FBXO17: variants seen among roughly 807,000 people sequenced by gnomAD.
The protein encoded by FBXO17 is F-box protein 17.
A neutral mutation model predicts 34.1 loss-of-function variants in FBXO17; 43 were observed. The observed-to-expected ratio is 1.26, with a 90% CI of 0.99 to 1.62. The LOEUF is 1.62. Among genes scored for constraint, FBXO17 ranks in the 40% most tolerant of loss-of-function variants. The pLI is 0.00. For synonymous variants in FBXO17, 169 were observed against 166.0 expected, an observed-to-expected ratio of 1.02 and a Z score of -0.14; for missense variants, 424 against 386.7, an observed-to-expected ratio of 1.10 and a Z score of -0.81.
chr19:38,946,295 C>T, intron 4 of FBXO17, 177 bp downstream of exon 4: 1 of 1,132,808 alleles, frequency 8.8e-7, no homozygotes, highest in Non-Finnish European at 1.2e-6. Context: ...GGGGCTCTGG[C>T]TTCTCCAAAG....
intron 2 of FBXO17, 45 bp downstream of exon 2, chr19:38,949,926 C>T: frequency 2.1e-6 from 3 of 1,450,290 alleles, no homozygotes; most frequent in Non-Finnish European, 2.7e-6. Flanking sequence ...CCGCCTCGCT[C>T]GCGCGGCCCC....
chr19:38,944,920 T>C (rs1213264316), intron 5 of FBXO17, 49 bp downstream of exon 5: 4 of 1,608,022 alleles, frequency 2.5e-6, no homozygotes, highest in Non-Finnish European at 3.4e-6. Context: ...AGGCTGGGCG[T>C]GTGTGCCTTT....
In FBXO17 at chr19:38,944,294, G is replaced by A. The variant is rs145031280; in HGVS notation, c.693+675C>T. Among the ~76,000 whole-genome samples, 606 of 81,398 alleles carry A rather than the reference G, an allele frequency of 7.4e-3. 6 individuals are homozygous for A. The highest frequency in any genetic ancestry group is 0.03 in the African/African-American group (582 of 19,330). 53.4% of individuals were successfully genotyped at this position (81,398 alleles called of 152,430 possible). ...ATTATTATTATTATTTTTAGTTAGCGTCTCAGTCTGTTGCCCTGGCTGGAG... is the reference window on the plus strand; with the variant it reads ...ATTATTATTATTATTTTTAGTTAGCATCTCAGTCTGTTGCCCTGGCTGGAG... On this transcript the variant is annotated intron_variant, in intron 5 of 5. Transcript: ENST00000292852.
intron 1 of FBXO17, among the ~76,000 whole-genome samples, chr19:38,957,375 C>G (rs1189413579): frequency 6.6e-6 from 1 of 152,040 alleles, no homozygotes; most frequent in Non-Finnish European, 1.5e-5. Context: ...GAGACGGAGT[C>G]TCACTCTGTC....
At chr19:38,959,791 G>A (rs1312224115) in intron 1 of FBXO17, among the ~76,000 whole-genome samples, 2 of 152,226 alleles carry the variant, frequency 1.3e-5, no homozygotes, top group Non-Finnish European at 2.9e-5. Context: ...ACATACTCGG[G>A]AGGCTGAGGT....
At chr19:38,955,542 G>A (rs1333918577) in intron 1 of FBXO17, among the ~76,000 whole-genome samples, 2 of 145,228 alleles carry the variant, frequency 1.4e-5, no homozygotes, top group Non-Finnish European at 3.0e-5. Flanking sequence ...GGAGTGCAGT[G>A]GCACAATCTC....
Position 38,942,900 on chromosome 19 carries a change from C to G in FBXO17, c.694-149G>C. On this transcript the variant is annotated intron_variant, in intron 5 of 5. Transcript: ENST00000292852. Reference sequence around the variant, plus strand: ...AGTGAATAAAACCGGAAAAGGACCCCGCCCTGGTGTCAGTGCCATTCTAGC... The same window carrying G: ...AGTGAATAAAACCGGAAAAGGACCCGGCCCTGGTGTCAGTGCCATTCTAGC... 3.2e-6 allele frequency: 3 copies of G among 941,020 alleles called. No homozygotes were observed. In the South Asian group the frequency reaches 6.1e-5, roughly 19 times the overall value. The allele number at this position is 941,020 out of a possible 1,614,324, so 58.3% of individuals were successfully genotyped here.
chr19:38,954,738 C>T (rs1975138402), intron 1 of FBXO17, among the ~76,000 whole-genome samples: 1 of 149,808 alleles, frequency 6.7e-6, no homozygotes, highest in South Asian at 2.1e-4. Context: ...CGCCACCACA[C>T]CTGGCTAATT....
chr19:38,959,679 C>G (rs1287120206), intron 1 of FBXO17, among the ~76,000 whole-genome samples: 1 of 151,860 alleles, frequency 6.6e-6, no homozygotes, highest in Non-Finnish European at 1.5e-5. Flanking sequence ...TCGCTTGAAC[C>G]CGGGGGTTCG....
chr19:38,951,135 A>G (rs1415632490), intron 1 of FBXO17, among the ~76,000 whole-genome samples: 1 of 152,050 alleles, frequency 6.6e-6, no homozygotes, highest in Non-Finnish European at 1.5e-5. Context: ...AACCAAGGAC[A>G]AAGAAGTCAT....
chr19:38,946,588 G>A (rs1454296049), intron 3 of FBXO17, 21 bp from the exon 4 acceptor site: 2 of 1,611,096 alleles, frequency 1.2e-6, no homozygotes, highest in East Asian at 2.2e-5. Context: ...GAGATGGCAG[G>A]GGGCAGGGCA....
chr19:38,946,453 G>A lies in FBXO17; in HGVS notation c.557+19C>T. Reference sequence around the variant, plus strand: ...CAAGCCTGCTGCTGCTCTGGGGCAGGGTGCCGCTCCTCACTCACCAGTCAG... The same window carrying A: ...CAAGCCTGCTGCTGCTCTGGGGCAGAGTGCCGCTCCTCACTCACCAGTCAG... On this transcript the variant is annotated intron_variant, in intron 4 of 5. Transcript: ENST00000292852. 6.2e-7 allele frequency: 1 copy of A among 1,613,720 alleles called. No homozygotes were observed. The highest frequency in any genetic ancestry group is 8.5e-7 in the Non-Finnish European group (1 of 1,179,784).
chr19:38,961,256 C>G (rs1422250936), intron 1 of FBXO17, among the ~76,000 whole-genome samples: 4 of 148,256 alleles, frequency 2.7e-5, no homozygotes, highest in African/African-American at 1.0e-4. Context: ...TAAAATGTAG[C>G]AATTTTATTT....
At chr19:38,955,173 C>T (rs1018164115) in intron 1 of FBXO17, among the ~76,000 whole-genome samples, 14 of 151,480 alleles carry the variant, frequency 9.2e-5, no homozygotes, top group African/African-American at 2.2e-4. Context: ...CCTCATGATC[C>T]GCCCGCCTTG....
At chr19:38,944,823 G>T in intron 5 of FBXO17, 146 bp downstream of exon 5, 1 of 1,159,282 alleles carries the variant, frequency 8.6e-7, no homozygotes, top group Non-Finnish European at 1.2e-6. Context: ...TTGACACAGG[G>T]CTTGGGATGT....
At position 38,973,803 on chromosome 19, in the gene FBXO17, C is replaced by T. The variant is rs866269813; in HGVS notation, c.-18+1783G>A. ...GACCAGCCTGGGTAACACGGCAAAA[C>T]CCCGTATCCACAAAAAATAAAAAAA... On this transcript the variant is annotated intron_variant, in intron 1 of 5. Coordinates refer to ENST00000292852, the MANE Select transcript of FBXO17 (RefSeq NM_024907.7). Among the ~76,000 whole-genome samples, 6 of 151,672 alleles carry T rather than the reference C, an allele frequency of 4.0e-5. No homozygotes were observed. The South Asian group carries it at 1.3e-3, about 32-fold the overall frequency.
intron 5 of FBXO17, 110 bp downstream of exon 5, chr19:38,944,859 G>A: frequency 6.8e-7 from 1 of 1,469,480 alleles, no homozygotes; most frequent in East Asian, 2.3e-5. Flanking sequence ...CTTCTTAGCT[G>A]TTATGATTAT....
At position 38,950,029 on chromosome 19, in the gene FBXO17, C is replaced by G; in HGVS notation, c.291G>C (p.Ala97=). 2 of 1,564,460 alleles carry G rather than the reference C, an allele frequency of 1.3e-6. No homozygotes were observed. Among genetic ancestry groups the G allele is most frequent in the Non-Finnish European group, 1.7e-6 (2 of 1,156,048 alleles). ...CGAAGGGCGCGCGCAGACAGTAGCG[C>G]GCCAGGGCGCACAGCGGGAACTCCT... The part of the protein sequence containing the change: ...DKEEFPLCAL[A]RYCLRAPFGR... Residue 97 remains alanine (A), a synonymous_variant, in exon 2 of 6, where the codon GCG becomes GCC. Transcript: ENST00000292852.
At chr19:38,953,529 G>A (rs1975117543) in intron 1 of FBXO17, among the ~76,000 whole-genome samples, 1 of 151,882 alleles carries the variant, frequency 6.6e-6, no homozygotes, top group South Asian at 2.1e-4. Flanking sequence ...TGGGTGTGGT[G>A]GCGCACCTGT....
Sources: gnomAD v4.1 joint callset for allele counts (sites outside exome capture counted in the v4.1 genomes callset) on GRCh38, gnomAD v4.1.1 for gene constraint, MANE v1.5 for transcripts, NCBI Gene and HGNC (gene_info 2026-07-23, HGNC 2026-07-21) for gene names.